Variants in ARHGAP1 observed in about 807,000 individuals in gnomAD.
The protein encoded by ARHGAP1 is Rho GTPase activating protein 1, also known as rho GTPase-activating protein 1.
ARHGAP1 carries 23 observed loss-of-function variants against 52.2 expected under a neutral mutation model. The ratio of observed to expected loss-of-function variants is 0.44; its 90% CI spans 0.32 to 0.62. The LOEUF (loss-of-function observed/expected upper bound fraction) is 0.62, where lower values mean the gene tolerates loss of function less well. Among genes scored for constraint, ARHGAP1 ranks in the 20% least tolerant of loss-of-function variants. The probability of loss-of-function intolerance (pLI) is 0.05; values close to 1 mark genes in which losing one functional copy is unlikely to be tolerated. For synonymous variants in ARHGAP1, 210 were observed against 228.4 expected (o/e 0.92, Z 0.73); for missense variants, 480 against 560.9 (o/e 0.86, Z 1.46).
At position 46,680,931 on chromosome 11, in the gene ARHGAP1, G is replaced by A; in HGVS notation, c.635+80C>T. On this transcript the variant is annotated intron_variant, in intron 7 of 12. Coordinates refer to ENST00000311956, the MANE Select transcript of ARHGAP1 (RefSeq NM_004308.5). The surrounding 1 kb of genome is among the most constrained non-coding windows in gnomAD (Gnocchi z 5.9). ...CGGGACACGGGCTTGCTCTGCCTAA[G>A]CCCCACGCGGTCTCTGAATCAGGAC... 1 of 1,348,512 alleles carries A rather than the reference G, an allele frequency of 7.4e-7. No homozygotes were observed. Among genetic ancestry groups the A allele is most frequent in the Non-Finnish European group, 1.1e-6 (1 of 951,398 alleles). The allele number at this position is 1,348,512 out of a possible 1,614,324, so 83.5% of individuals were successfully genotyped here.
rs1389604997 is a variant in ARHGAP1 at position 46,680,668 on chromosome 11, T to TGGGCAGGGG, written c.706_714dup (p.Pro236_Pro238dup). ...TGCAGCGAGACTCCAAACTGCTGGT[T>TGGGCAGGGG]GGGCAGGGGGGGCCGTGGGGGCATG... On this transcript the variant is annotated inframe_insertion, in exon 8 of 13. Coordinates refer to ENST00000311956, the MANE Select transcript of ARHGAP1 (RefSeq NM_004308.5). This position sits in a 1 kb window ranked among gnomAD's most constrained non-coding sequence, Gnocchi z 5.9. 10 of 1,608,582 alleles carry TGGGCAGGGG rather than the reference T, an allele frequency of 6.2e-6. No individual in the cohort carries two copies. The highest frequency in any genetic ancestry group is 8.5e-6 in the Non-Finnish European group (10 of 1,176,564).
In ARHGAP1 at chr11:46,679,691, G is replaced by A. The variant is rs756149679; in HGVS notation, c.984C>T (p.Pro328=). 1.5e-5 allele frequency: 25 copies of A among 1,614,016 alleles called. No homozygotes were observed. The South Asian group carries it at 2.5e-4, about 16-fold the overall frequency. ...GGGGGTAGAGGTCAAAGGTGAGCAGGGGCTCAGGAAGCTCCCGGAGGAAGG... is the reference window on the plus strand; with the variant it reads ...GGGGGTAGAGGTCAAAGGTGAGCAGAGGCTCAGGAAGCTCCCGGAGGAAGG... ...LKTFLRELPE[P]LLTFDLYPHV... Residue 328 remains proline (P), a synonymous_variant, in exon 11 of 13, where the codon CCC becomes CCT. Transcript: ENST00000311956. The surrounding 1 kb of genome is among the most constrained non-coding windows in gnomAD (Gnocchi z 4.4).
rs565802212 is a variant in ARHGAP1, at chr11:46,678,718, A to T, written c.*319T>A. ...TTTGATTCATCCACACTTGCTAGGG[A>T]AACAGAGGCAGGAAAAAGCAGGAAA... On this transcript the variant is annotated 3_prime_UTR_variant, in exon 13 of 13. Coordinates refer to ENST00000311956, the MANE Select transcript of ARHGAP1 (RefSeq NM_004308.5). The T allele has an allele frequency of 2.6e-4, 86 of 329,466 alleles. No homozygotes were observed. Among genetic ancestry groups the T allele is most frequent in the African/African-American group, 1.8e-3 (82 of 45,858 alleles). The allele number at this position is 329,466 out of a possible 1,614,324, so 20.4% of individuals were successfully genotyped here.
At position 46,679,286 on chromosome 11, in the gene ARHGAP1, A is replaced by G. The variant is rs1421640923; in HGVS notation, c.1132-61T>C. On this transcript the variant is annotated intron_variant, in intron 12 of 12. Coordinates refer to ENST00000311956, the MANE Select transcript of ARHGAP1 (RefSeq NM_004308.5). This position sits in a 1 kb window ranked among gnomAD's most constrained non-coding sequence, Gnocchi z 4.4. ...CAGATGCTGCCTCCCACTCCCAGCA[A>G]CAATGACCAGGGCGCAGAGGAGGCG... 1.9e-6 allele frequency: 3 copies of G among 1,598,426 alleles called. No homozygotes were observed. The Admixed American group carries it at 5.1e-5, about 27-fold the overall frequency.
chr11:46,680,070 T>TTA lies in ARHGAP1; in HGVS notation c.898+133_898+134dup, dbSNP rs2064511978. The stretch of plus-strand genomic sequence containing the variant: ...GCAGCAGGCCTGGCAGAAGTAGGAC[T>TTA]TATGTGACACCCAGAGCCACGGAAA... On this transcript the variant is annotated intron_variant, in intron 10 of 12. Transcript: ENST00000311956. The surrounding 1 kb of genome is among the most constrained non-coding windows in gnomAD (Gnocchi z 5.9). 8.7e-7 allele frequency: 1 copy of TTA among 1,155,306 alleles called. No individual in the cohort carries two copies. The highest frequency in any genetic ancestry group is 1.5e-5 in the African/African-American group (1 of 65,668). 71.6% of individuals were successfully genotyped at this position (1,155,306 alleles called of 1,614,324 possible). A position where few individuals can be genotyped will look rare whatever the true frequency, so the allele number is the denominator to read the frequency against.
Position 46,679,512 on chromosome 11 carries a change from C to G in ARHGAP1, c.1028-44G>C. ...CGGGTTATAGGGGCCCTAGGCTGGGCTGGTTCAGGACGCTCTGATGCAGGC... is the reference window on the plus strand; with the variant it reads ...CGGGTTATAGGGGCCCTAGGCTGGGGTGGTTCAGGACGCTCTGATGCAGGC... On this transcript the variant is annotated intron_variant, in intron 11 of 12. Coordinates refer to ENST00000311956, the MANE Select transcript of ARHGAP1 (RefSeq NM_004308.5). This position sits in a 1 kb window ranked among gnomAD's most constrained non-coding sequence, Gnocchi z 4.4. 6.2e-7 allele frequency: 1 copy of G among 1,610,474 alleles called. No individual in the cohort carries two copies. The highest frequency in any genetic ancestry group is 8.5e-7 in the Non-Finnish European group (1 of 1,177,368).
Position 46,678,043 on chromosome 11 carries a change from C to T in ARHGAP1, c.*994G>A, listed in dbSNP as rs1281786858. 5.3e-6 allele frequency: 2 copies of T among 374,540 alleles called. No homozygotes were observed. The highest frequency in any genetic ancestry group is 1.0e-5 in the Non-Finnish European group (2 of 191,660). 23.2% of individuals were successfully genotyped at this position (374,540 alleles called of 1,614,324 possible). ...TGACCTATCAGCACAATCTCTGCCC[C>T]TCCTACGGGCACTCTTAGTCTCTAC... On this transcript the variant is annotated 3_prime_UTR_variant, in exon 13 of 13. Transcript: ENST00000311956.
At chr11:46,694,740 C>A (rs1279022819) in intron 3 of ARHGAP1, among the ~76,000 whole-genome samples, 1 of 152,226 alleles carries the variant, frequency 6.6e-6, no homozygotes, top group Non-Finnish European at 1.5e-5. Flanking sequence ...AGAGCCAAGG[C>A]CCTCAACCCA....
At chr11:46,692,326 G>A (rs752887880) in intron 3 of ARHGAP1, among the ~76,000 whole-genome samples, 2 of 152,178 alleles carry the variant, frequency 1.3e-5, no homozygotes, top group Non-Finnish European at 2.9e-5. Flanking sequence ...CCTTCTAAGC[G>A]AGGAAATAAC....
chr11:46,679,702 G>A lies in ARHGAP1; in HGVS notation c.973C>T (p.Leu325Phe), dbSNP rs1258037073. Residue 325 changes from leucine (L) to phenylalanine (F), a missense_variant, in exon 11 of 13, where the codon CTT (leucine) becomes TTT (phenylalanine). Coordinates refer to ENST00000311956, the MANE Select transcript of ARHGAP1 (RefSeq NM_004308.5). The surrounding 1 kb of genome is among the most constrained non-coding windows in gnomAD (Gnocchi z 4.4). ...TCAAAGGTGAGCAGGGGCTCAGGAA[G>A]CTCCCGGAGGAAGGTCTTGAGGATG... ...AVILKTFLRE[L>F]PEPLLTFDLY... 6.2e-7 allele frequency: 1 copy of A among 1,614,044 alleles called. No homozygotes were observed. Among genetic ancestry groups the A allele is most frequent in the African/African-American group, 1.3e-5 (1 of 74,948 alleles).
chr11:46,700,168 A>AT (rs2134502858), intron 1 of ARHGAP1, among the ~76,000 whole-genome samples: 1 of 152,278 alleles, frequency 6.6e-6, no homozygotes, highest in South Asian at 2.1e-4. Flanking sequence ...AAAAAAATAA[A>AT]TAAGTTGAAC....
In ARHGAP1 at chr11:46,681,646, C is replaced by A; in HGVS notation, c.450-267G>T. 2.4e-6 allele frequency: 1 copy of A among 422,616 alleles called. No homozygotes were observed. Among genetic ancestry groups the A allele is most frequent in the Non-Finnish European group, 4.4e-6 (1 of 227,662 alleles). The allele number at this position is 422,616 out of a possible 1,614,324, so 26.2% of individuals were successfully genotyped here. A position where few individuals can be genotyped will look rare whatever the true frequency, so the allele number is the denominator to read the frequency against. On this transcript the variant is annotated intron_variant, in intron 5 of 12. Coordinates refer to ENST00000311956, the MANE Select transcript of ARHGAP1 (RefSeq NM_004308.5). The surrounding 1 kb of genome is among the most constrained non-coding windows in gnomAD (Gnocchi z 5.7). ...ACAGGGTTTCACCATGTTGGCCAGG[C>A]TGGTCTGGAACTCCTGACCTCAAGT...
chr11:46,686,348 C>T (rs1466687836), intron 4 of ARHGAP1, among the ~76,000 whole-genome samples: 2 of 152,144 alleles, frequency 1.3e-5, no homozygotes, highest in Non-Finnish European at 2.9e-5. Flanking sequence ...AAGACCTGCC[C>T]CAAGGCACGC....
chr11:46,691,165 C>G (rs1350837725), intron 3 of ARHGAP1, among the ~76,000 whole-genome samples: 1 of 152,210 alleles, frequency 6.6e-6, no homozygotes, highest in Non-Finnish European at 1.5e-5. Flanking sequence ...ATGGCACCTA[C>G]AGTCTCCAGT....
chr11:46,699,433 G>C (rs770016929), intron 1 of ARHGAP1, among the ~76,000 whole-genome samples: 2 of 152,138 alleles, frequency 1.3e-5, no homozygotes, highest in Admixed American at 6.5e-5. Flanking sequence ...AGCCGGGCAC[G>C]GTGGTTCACG....
At chr11:46,700,035 T>G (rs2064689457) in intron 1 of ARHGAP1, among the ~76,000 whole-genome samples, 1 of 152,036 alleles carries the variant, frequency 6.6e-6, no homozygotes, top group Non-Finnish European at 1.5e-5. Context: ...CCGGGCGTGG[T>G]GGCGGACGCC....
rs1255065599 is a variant in ARHGAP1 at position 46,677,855 on chromosome 11, CAGG to C, written c.*1179_*1181del. ...GTCCCAGCTACTCAGGAGGCTGAGG[CAGG>C]AGAATTGCTTGAACCCAGAAGGCGG... On this transcript the variant is annotated 3_prime_UTR_variant, in exon 13 of 13. Coordinates refer to ENST00000311956, the MANE Select transcript of ARHGAP1 (RefSeq NM_004308.5). 2.8e-5 allele frequency: 11 copies of C among 388,974 alleles called. No homozygotes were observed. Among genetic ancestry groups the C allele is most frequent in the African/African-American group, 4.3e-5 (2 of 45,994 alleles). The allele number at this position is 388,974 out of a possible 1,614,324, so 24.1% of individuals were successfully genotyped here. A position where few individuals can be genotyped will look rare whatever the true frequency, so the allele number is the denominator to read the frequency against.
intron 3 of ARHGAP1, 36 bp downstream of exon 3, chr11:46,695,622 GCT>G (rs772168045): frequency 1.3e-6 from 2 of 1,540,960 alleles, no homozygotes; most frequent in African/African-American, 2.7e-5. Context: ...GAGGCCAGGA[GCT>G]CTGAGGGTTA....
Position 46,678,789 on chromosome 11 carries a change from C to T in ARHGAP1, c.*248G>A. Reference sequence around the variant, plus strand: ...CTTCTCCAGCTGGAAGAGCCAAGCCCAGCTCTGGAGAGCCCAGCAAAAGCC... The same window carrying T: ...CTTCTCCAGCTGGAAGAGCCAAGCCTAGCTCTGGAGAGCCCAGCAAAAGCC... On this transcript the variant is annotated 3_prime_UTR_variant, in exon 13 of 13. Transcript: ENST00000311956. 3 of 521,548 alleles carry T rather than the reference C, an allele frequency of 5.8e-6. No individual in the cohort carries two copies. The highest frequency in any genetic ancestry group is 2.4e-5 in the South Asian group (1 of 41,072). The allele number at this position is 521,548 out of a possible 1,614,324, so 32.3% of individuals were successfully genotyped here. A position where few individuals can be genotyped will look rare whatever the true frequency, so the allele number is the denominator to read the frequency against.
Sources: allele counts gnomAD v4.1 joint callset (sites outside exome capture counted in the v4.1 genomes callset), GRCh38; gene constraint gnomAD v4.1.1; non-coding constraint Gnocchi (gnomAD v3.1); transcripts MANE v1.5; gene names NCBI Gene and HGNC (gene_info 2026-07-23, HGNC 2026-07-21).